NBPF12: variants seen among roughly 807,000 people sequenced by gnomAD.
NBPF12 encodes the protein NBPF member 12.
In NBPF12, 115 loss-of-function variants were observed where a neutral mutation model predicts 146.4. That is an observed-to-expected ratio of 0.79 (90% CI 0.68 to 0.92). The LOEUF is 0.92. Among genes scored for constraint, NBPF12 ranks in the 40% least tolerant of loss-of-function variants. The pLI is 0.00. For synonymous variants in NBPF12, 385 were observed against 508.9 expected (o/e 0.76, Z 3.28); for missense variants, 1,205 against 1,326.8 (o/e 0.91, Z 1.43).
intron 2 of NBPF12, among the ~76,000 whole-genome samples, chr1:146,953,747 T>C (rs1281481219): frequency 7.0e-5 from 9 of 129,184 alleles, no homozygotes; most frequent in Non-Finnish European, 1.3e-4. Flanking sequence ...TGGCATAAGA[T>C]TGAATGCTTT....
intron 18 of NBPF12, among the ~76,000 whole-genome samples, chr1:146,978,057 C>T (rs1553887581): frequency 0.76 from 113,670 of 150,384 alleles, 43,274 homozygotes; most frequent in East Asian, 1. Context: ...TATTTGGAAA[C>T]ATTGTTCCCC....
exon 3 of NBPF12, chr1:146,959,942 C>T: frequency 1.1e-5 from 3 of 274,674 alleles, no homozygotes; most frequent in East Asian, 6.9e-5. Flanking sequence ...TGAGGCACCT[C>T]GAACCTTGTT....
exon 13 of NBPF12, chr1:146,971,206 G>C: frequency 1.2e-6 from 2 of 1,611,692 alleles, no homozygotes; most frequent in Admixed American, 1.7e-5. Flanking sequence ...GCTGAAGAAA[G>C]CAAAGTCCCT....
chr1:146,951,625 G>A (rs1267424750), intron 2 of NBPF12, 136 bp downstream of exon 5: 10 of 501,570 alleles, frequency 2.0e-5, no homozygotes, highest in South Asian at 1.9e-4. Context: ...TTTAAATGAT[G>A]ATGTCCCTTG....
intron 19 of NBPF12, among the ~76,000 whole-genome samples, chr1:146,981,277 T>TAAAAAAAAA (rs878971787): frequency 9.9e-6 from 1 of 101,284 alleles, no homozygotes; most frequent in Non-Finnish European, 1.9e-5. Flanking sequence ...CTTAAAGTAT[T>TAAAAAAAAA]AAAAAAAAAA....
chr1:146,994,461 C>T lies in NBPF12; in HGVS notation c.4260C>T (p.Tyr1420=), dbSNP rs201963778. 4.9e-5 allele frequency: 79 copies of T among 1,611,412 alleles called. 1 individual carries two copies. The highest frequency in any genetic ancestry group is 1.5e-4 in the Admixed American group (9 of 59,922). ...TCCAGCACTACAGAAGTGTGTTTTACTCATTTGAGGAACAGCACATCACCT... is the reference window on the plus strand; with the variant it reads ...TCCAGCACTACAGAAGTGTGTTTTATTCATTTGAGGAACAGCACATCACCT... The change falls in exon 34 of 34, where the codon TAC becomes TAT. Residue 1420 remains tyrosine, a synonymous_variant. Coordinates refer to ENST00000617844, the Ensembl canonical transcript of NBPF12.
rs878971787 is a variant in NBPF12, at chr1:146,981,277, TAAAAAAAAA to T, written c.2451-1641_2451-1633del. Among the ~76,000 whole-genome samples, 221 of 101,268 alleles carry T rather than the reference TAAAAAAAAA, an allele frequency of 2.2e-3. 1 individual carries two copies. Among genetic ancestry groups the T allele is most frequent in the Non-Finnish European group, 3.5e-3 (185 of 53,344 alleles). 66.4% of individuals were successfully genotyped at this position (101,268 alleles called of 152,430 possible). A position where few individuals can be genotyped will look rare whatever the true frequency, so the allele number is the denominator to read the frequency against. On this transcript the variant is annotated intron_variant, in intron 19 of 33. Transcript: ENST00000617844. ...ACATGTACCCTAAGACTTAAAGTAT[TAAAAAAAAA>T]AAAAAAAAATATATATATATATATA...
At chr1:146,983,318 C>G (rs1442056161) in intron 20 of NBPF12, 1 of 593,512 alleles carries the variant, frequency 1.7e-6, no homozygotes, top group African/African-American at 2.8e-5. Flanking sequence ...CCCGTGCCAA[C>G]CTGGACTGAC....
chr1:146,939,100 C>CGCCGGGCACT (rs1238001426), intron 1 of NBPF12, 88 bp downstream of exon 1: 1 of 152,220 alleles, frequency 6.6e-6, no homozygotes, highest in African/African-American at 2.4e-5. Context: ...GGGGCGGTTG[C>CGCCGGGCACT]GCCGGGCACT....
intron 2 of NBPF12, among the ~76,000 whole-genome samples, chr1:146,953,091 T>C (rs1266688414): frequency 4.7e-5 from 7 of 147,610 alleles, no homozygotes; most frequent in Admixed American, 1.4e-4. Context: ...CGGGAGATGC[T>C]GCATGGATTT....
At chr1:146,978,032 G>A (rs1378520019) in intron 18 of NBPF12, among the ~76,000 whole-genome samples, 1,908 of 151,912 alleles carry the variant, frequency 0.013, 41 homozygotes, top group African/African-American at 0.044. Context: ...AAGGAAGCTG[G>A]CAGCCTTGCC....
intron 1 of NBPF12, among the ~76,000 whole-genome samples, chr1:146,939,499 A>T (rs1654696900): frequency 6.6e-6 from 1 of 151,952 alleles, no homozygotes; most frequent in African/African-American, 2.4e-5. Flanking sequence ...TCACTGAATC[A>T]CCTCATGACT....
chr1:146,944,522 G>A (rs1302662062), upstream of NBPF12, among the ~76,000 whole-genome samples: 10 of 149,272 alleles, frequency 6.7e-5, no homozygotes, highest in Admixed American at 1.3e-4. Flanking sequence ...GGAAGGTTGC[G>A]GCCTGGTGTT....
chr1:146,943,652 C>T (rs1242623093), intron 2 of NBPF12, 90 bp downstream of exon 2: 3 of 731,134 alleles, frequency 4.1e-6, no homozygotes, highest in African/African-American at 1.9e-5. Flanking sequence ...GCCAAGGGCC[C>T]TAAACATCAC....
At position 146,968,653 on chromosome 1, in the gene NBPF12, G is replaced by A. The variant is rs1440653369; in HGVS notation, c.1091+103G>A. 18 of 1,052,100 alleles carry A rather than the reference G, an allele frequency of 1.7e-5. No individual in the cohort carries two copies. The Admixed American group carries it at 3.2e-4, about 19-fold the overall frequency. 65.2% of individuals were successfully genotyped at this position (1,052,100 alleles called of 1,614,324 possible). A position where few individuals can be genotyped will look rare whatever the true frequency, so the allele number is the denominator to read the frequency against. ...AAGAGCTAAGCTGGGCCAGGGGAAG[G>A]GCAGGAATTGCCATGGCAGGCTCGC... is the stretch of plus-strand genomic sequence containing the variant. On this transcript the variant is annotated intron_variant, in intron 10 of 33. Transcript: ENST00000617844.
chr1:146,995,556 T>C (rs1437241419), exon 34 of NBPF12: 33 of 151,930 alleles, frequency 2.2e-4, no homozygotes, highest in African/African-American at 7.3e-4. Flanking sequence ...TTGATGGTGG[T>C]GACATGGACT....
At chr1:146,953,211 CAT>C (rs1197801895) in intron 2 of NBPF12, among the ~76,000 whole-genome samples, 1 of 128,472 alleles carries the variant, frequency 7.8e-6, no homozygotes, top group African/African-American at 3.1e-5. Context: ...GAGGCAGGGA[CAT>C]GTGGTGGTTA....
chr1:146,992,211 C>G lies in NBPF12; in HGVS notation c.3848+165C>G, dbSNP rs1268614435. On this transcript the variant is annotated intron_variant, in intron 31 of 33. Transcript: ENST00000617844. Reference sequence around the variant, plus strand: ...TTCATTGCAGTAGATACTTAGGTTTCCATTTCTTCCTCCCCTTATCATTTA... The same window carrying G: ...TTCATTGCAGTAGATACTTAGGTTTGCATTTCTTCCTCCCCTTATCATTTA... Among the ~76,000 whole-genome samples the G allele has an allele frequency of 3.7e-4, 50 of 134,046 alleles. 6 individuals are homozygous for G. The South Asian group carries it at 9.6e-3, about 26-fold the overall frequency. The allele number at this position is 134,046 out of a possible 152,430, so 87.9% of individuals were successfully genotyped here.
At chr1:146,976,456 G>C (rs1657029510) in intron 16 of NBPF12, among the ~76,000 whole-genome samples, 2 of 122,218 alleles carry the variant, frequency 1.6e-5, no homozygotes, top group African/African-American at 6.8e-5. Flanking sequence ...TCAGACTGGA[G>C]CACTCCCCAT....
Sources: allele counts gnomAD v4.1 joint callset (sites outside exome capture counted in the v4.1 genomes callset), GRCh38; gene constraint gnomAD v4.1.1; transcripts MANE v1.5; gene names NCBI Gene and HGNC (gene_info 2026-07-23, HGNC 2026-07-21).